The following C9 variants were observed in gnomAD, a reference collection of about 807,000 sequenced individuals.
C9 encodes complement C9, also known as complement component C9.
Under a neutral mutation model 65.4 loss-of-function variants are expected in C9, and 63 were observed. The ratio of observed to expected loss-of-function variants is 0.96; its 90% CI spans 0.79 to 1.19. C9 has a LOEUF of 1.19. C9 is among the 50% of genes most tolerant of loss of function. The pLI, the probability that C9 is intolerant of heterozygous loss-of-function variation, is 0.00. For missense variants in C9, 744 were observed against 670.1 expected (o/e 1.11, Z -1.22); for synonymous variants, 229 against 227.9 (o/e 1.00, Z -0.04).
chr5:39,338,771 T>C (rs1283831893), intron 4 of C9, among the ~76,000 whole-genome samples: 4 of 152,184 alleles, frequency 2.6e-5, no homozygotes, highest in African/African-American at 7.2e-5. Flanking sequence ...ACACCAACCC[T>C]GACTGTGGTA....
At chr5:39,316,192 A>C (rs1753567247) in intron 5 of C9, among the ~76,000 whole-genome samples, 163 bp from the exon 6 acceptor site, 1 of 152,182 alleles carries the variant, frequency 6.6e-6, no homozygotes, top group East Asian at 1.9e-4. Flanking sequence ...TCAAATACAG[A>C]CTCTGTCACT....
At chr5:39,359,662 G>C (rs1374451068) in intron 1 of C9, among the ~76,000 whole-genome samples, 1 of 152,184 alleles carries the variant, frequency 6.6e-6, no homozygotes, top group Non-Finnish European at 1.5e-5. Flanking sequence ...GGAGCAAAGT[G>C]CTCGATTAGG....
chr5:39,353,428 C>T (rs1382722074), intron 1 of C9, among the ~76,000 whole-genome samples: 4 of 152,172 alleles, frequency 2.6e-5, no homozygotes, highest in Non-Finnish European at 5.9e-5. Context: ...CACTTAAGCT[C>T]CAGCTACACT....
intron 1 of C9, among the ~76,000 whole-genome samples, chr5:39,359,110 A>G (rs1167684059): frequency 8.7e-5 from 12 of 137,426 alleles, no homozygotes; most frequent in South Asian, 2.3e-4. Context: ...GTGTATATAT[A>G]TATATATATA....
chr5:39,310,463 C>A (rs1328311479), intron 7 of C9, among the ~76,000 whole-genome samples: 1 of 152,028 alleles, frequency 6.6e-6, no homozygotes, highest in East Asian at 1.9e-4. Flanking sequence ...CTTAGACGAA[C>A]CCTTTAGGCC....
intron 1 of C9, among the ~76,000 whole-genome samples, chr5:39,351,971 C>T (rs1754332078): frequency 6.6e-6 from 1 of 152,112 alleles, no homozygotes; most frequent in East Asian, 1.9e-4. Context: ...AAAGAACTAC[C>T]TGAGACTGGG....
Position 39,288,981 on chromosome 5 carries a change from G to A in C9, c.1417-30C>T, listed in dbSNP as rs376677602. 30 of 1,247,816 alleles carry A rather than the reference G, an allele frequency of 2.4e-5. No homozygotes were observed. In the Admixed American group the frequency reaches 2.9e-4, roughly 12 times the overall value. The allele number at this position is 1,247,816 out of a possible 1,614,324, so 77.3% of individuals were successfully genotyped here. ...AAGGAAGCAAAACATTTAATTTTAG[G>A]TCCTTTTTAACTGAGAGAACTTGTA... is the stretch of plus-strand genomic sequence containing the variant. On this transcript the variant is annotated intron_variant, in intron 9 of 10. Transcript: ENST00000263408.
Position 39,315,711 on chromosome 5 carries a change from A to G in C9, c.870+64T>C. 3.3e-6 allele frequency: 4 copies of G among 1,205,974 alleles called. No individual in the cohort carries two copies. The South Asian group carries it at 5.5e-5, about 16-fold the overall frequency. The allele number at this position is 1,205,974 out of a possible 1,614,324, so 74.7% of individuals were successfully genotyped here. A position where few individuals can be genotyped will look rare whatever the true frequency, so the allele number is the denominator to read the frequency against. On this transcript the variant is annotated intron_variant, in intron 6 of 10. Transcript: ENST00000263408. ...TTTTTATGATTTCTATTTGCTCAAA[A>G]TACTTAAAGAGTCTGGGTAGTTTGG...
At chr5:39,351,286 G>T (rs1331280673) in intron 1 of C9, among the ~76,000 whole-genome samples, 1 of 152,134 alleles carries the variant, frequency 6.6e-6, no homozygotes, top group East Asian at 1.9e-4. Context: ...TGATGGAAGG[G>T]GCTACCACAA....
intron 4 of C9, among the ~76,000 whole-genome samples, chr5:39,340,515 T>G (rs577423565): frequency 2.6e-5 from 4 of 152,330 alleles, no homozygotes; most frequent in African/African-American, 9.6e-5. Flanking sequence ...CTATTCTGTA[T>G]AATCCTGAGT....
At chr5:39,358,971 C>T (rs888361317) in intron 1 of C9, among the ~76,000 whole-genome samples, 40 of 144,712 alleles carry the variant, frequency 2.8e-4, no homozygotes, top group African/African-American at 8.5e-4. Flanking sequence ...GGTGGCAGAG[C>T]GAGACTCCAT....
intron 5 of C9, among the ~76,000 whole-genome samples, chr5:39,323,857 G>T (rs998224970): frequency 6.6e-6 from 1 of 151,858 alleles, no homozygotes; most frequent in African/African-American, 2.4e-5. Flanking sequence ...AACTCAGAAA[G>T]GAAGAAGTAA....
intron 8 of C9, among the ~76,000 whole-genome samples, chr5:39,307,993 A>G (rs1753410754): frequency 6.6e-6 from 1 of 152,236 alleles, no homozygotes; most frequent in Admixed American, 6.5e-5. Flanking sequence ...TAAAATGACT[A>G]CCGTGTGAAT....
chr5:39,333,033 G>T (rs181598254), intron 4 of C9, among the ~76,000 whole-genome samples: 9 of 152,202 alleles, frequency 5.9e-5, no homozygotes, highest in African/African-American at 2.2e-4. Context: ...ACCTCCCACT[G>T]CCTGTCCCAC....
intron 5 of C9, among the ~76,000 whole-genome samples, chr5:39,324,486 G>T (rs927855911): frequency 1.1e-4 from 17 of 152,160 alleles, no homozygotes; most frequent in Non-Finnish European, 2.1e-4. Context: ...TATCAACTCA[G>T]CAGCGTAGAG....
intron 9 of C9, among the ~76,000 whole-genome samples, chr5:39,292,684 T>C (rs954333722): frequency 6.6e-5 from 10 of 151,722 alleles, no homozygotes; most frequent in South Asian, 2.1e-4. Context: ...TTTAAAAATA[T>C]GTATGTAAAA....
intron 4 of C9, among the ~76,000 whole-genome samples, chr5:39,338,341 G>A (rs1754008180): frequency 6.6e-6 from 1 of 152,072 alleles, no homozygotes; most frequent in Non-Finnish European, 1.5e-5. Flanking sequence ...GGGTAAGGTG[G>A]TATGGTAGAA....
chr5:39,347,619 C>T (rs1465450133), intron 1 of C9, among the ~76,000 whole-genome samples: 3 of 152,080 alleles, frequency 2.0e-5, no homozygotes. Flanking sequence ...AGATTCAATG[C>T]CATCCCTATC....
At chr5:39,324,958 A>G (rs1228977525) in intron 5 of C9, among the ~76,000 whole-genome samples, 4 of 152,158 alleles carry the variant, frequency 2.6e-5, no homozygotes, top group Non-Finnish European at 5.9e-5. Context: ...CTGTTTAAGA[A>G]TTTGTTCATA....
Sources: gnomAD v4.1 joint callset for allele counts (sites outside exome capture counted in the v4.1 genomes callset) on GRCh38, gnomAD v4.1.1 for gene constraint, MANE v1.5 for transcripts, NCBI Gene and HGNC (gene_info 2026-07-23, HGNC 2026-07-21) for gene names.